The following RPS6KA2 variants were observed in gnomAD, a reference collection of about 807,000 sequenced individuals.
RPS6KA2 encodes ribosomal protein S6 kinase A2, also known as ribosomal protein S6 kinase alpha-2.
RPS6KA2 carries 42 observed loss-of-function variants against 91.8 expected under a neutral mutation model. The ratio of observed to expected loss-of-function variants is 0.46; its 90% CI spans 0.36 to 0.59. The LOEUF (loss-of-function observed/expected upper bound fraction) is 0.59. RPS6KA2 is among the 20% of genes least tolerant of loss of function. The pLI is 0.00. For synonymous variants in RPS6KA2, 414 were observed against 393.6 expected, an observed-to-expected ratio of 1.05 and a Z score of -0.61; for missense variants, 798 against 978.5, an observed-to-expected ratio of 0.82 and a Z score of 2.46.
chr6:166,656,049 G>A (rs560329300), intron 2 of RPS6KA2, among the ~76,000 whole-genome samples: 4 of 152,340 alleles, frequency 2.6e-5, no homozygotes, highest in Non-Finnish European at 5.9e-5. Context: ...GCCTGAGTGT[G>A]CACAGCACAC....
intron 2 of RPS6KA2, among the ~76,000 whole-genome samples, chr6:166,713,674 CT>C (rs1442326871): frequency 6.6e-6 from 1 of 152,336 alleles, no homozygotes; most frequent in Non-Finnish European, 1.5e-5. Flanking sequence ...AAAACCATTC[CT>C]GCCTAATGCA....
intron 2 of RPS6KA2, among the ~76,000 whole-genome samples, chr6:166,709,016 A>AGAGGTGTGAGCCAC (rs1419069837): frequency 9.2e-5 from 14 of 152,232 alleles, no homozygotes; most frequent in African/African-American, 3.4e-4. Context: ...GAAACAAGGA[A>AGAGGTGTGAGCCAC]GAGGTGTGAG....
At chr6:166,713,168 C>T (rs906848921) in intron 2 of RPS6KA2, among the ~76,000 whole-genome samples, 2 of 152,198 alleles carry the variant, frequency 1.3e-5, no homozygotes, top group East Asian at 1.9e-4. Flanking sequence ...CCCCATCCCC[C>T]GGAACACAAC....
chr6:166,640,877 A>G (rs1787409706), intron 2 of RPS6KA2, among the ~76,000 whole-genome samples: 1 of 151,300 alleles, frequency 6.6e-6, no homozygotes, highest in Non-Finnish European at 1.5e-5. Flanking sequence ...ACCTTGGAAG[A>G]ACCTCACTGT....
chr6:166,546,099 T>G (rs1028829944), intron 1 of RPS6KA2, among the ~76,000 whole-genome samples: 4 of 152,196 alleles, frequency 2.6e-5, no homozygotes, highest in African/African-American at 4.8e-5. Flanking sequence ...CCCCTTCCAC[T>G]TCATCTTGAA....
At chr6:166,473,113 T>C (rs1780833144) in intron 10 of RPS6KA2, among the ~76,000 whole-genome samples, 1 of 152,226 alleles carries the variant, frequency 6.6e-6, no homozygotes, top group Non-Finnish European at 1.5e-5. Flanking sequence ...CCAATTGCTG[T>C]TCTCTGGTTA....
chr6:166,591,059 T>C (rs1377244098), intron 1 of RPS6KA2, among the ~76,000 whole-genome samples: 1 of 152,208 alleles, frequency 6.6e-6, no homozygotes, highest in Non-Finnish European at 1.5e-5. Context: ...CTCTTCTACA[T>C]ATTAAATGCC....
chr6:166,647,879 GACAC>G (rs3071065), intron 2 of RPS6KA2, among the ~76,000 whole-genome samples: 9 of 66,042 alleles, frequency 1.4e-4, no homozygotes, highest in Non-Finnish European at 1.9e-4. Context: ...TGCACATGCT[GACAC>G]ACATACATAC....
At chr6:166,469,550 A>T (rs1780678150) in intron 11 of RPS6KA2, among the ~76,000 whole-genome samples, 1 of 152,146 alleles carries the variant, frequency 6.6e-6, no homozygotes, top group Non-Finnish European at 1.5e-5. Context: ...GAGTGGGTGC[A>T]GGGAGGACAG....
chr6:166,448,840 C>T lies in RPS6KA2; in HGVS notation c.1216G>A (p.Gly406Arg), dbSNP rs749209578. 1.1e-5 allele frequency: 17 copies of T among 1,613,646 alleles called. No individual in the cohort carries two copies. The highest frequency in any genetic ancestry group is 7.7e-5 in the South Asian group (7 of 91,060). The change falls in exon 14 of 21, where the codon GGG becomes AGG. Residue 406 changes from glycine to arginine, a missense_variant. Transcript: ENST00000265678. This position sits in a 1 kb window ranked among gnomAD's most constrained non-coding sequence, Gnocchi z 4.7. ...PVHPIVQQLH[G>R]NNIHFTDGYE... Reference sequence around the variant, plus strand: ...CCATCGGTGAAGTGGATGTTGTTCCCGTGTAACTGCTGCAGAGGGACCAAG... The same window carrying T: ...CCATCGGTGAAGTGGATGTTGTTCCTGTGTAACTGCTGCAGAGGGACCAAG...
rs531606020 is a variant in RPS6KA2 at position 166,767,554 on chromosome 6, G to A, written c.123+90646C>T. Among the ~76,000 whole-genome samples the A allele has an allele frequency of 1.3e-5, 2 of 152,250 alleles. No individual in the cohort carries two copies. The highest frequency in any genetic ancestry group is 4.1e-4 in the South Asian group (2 of 4,826). On this transcript the variant is annotated intron_variant, in intron 2 of 21. Transcript: ENST00000503859. This position sits in a 1 kb window ranked among gnomAD's most constrained non-coding sequence, Gnocchi z 4.6. Reference sequence around the variant, plus strand: ...GAGCCCTTCAGACTGCGCTCCACTTGCCAGCAAGCCTCAAAGGGACCCAGG... The same window carrying A: ...GAGCCCTTCAGACTGCGCTCCACTTACCAGCAAGCCTCAAAGGGACCCAGG...
At position 166,491,706 on chromosome 6, in the gene RPS6KA2, T is replaced by C. The variant is rs947641034; in HGVS notation, c.748-965A>G. ...AATTCATCCTCCAGCATTCGTCCTT[T>C]GCAGTTCGAAAATCTCAGGAGATAC... On this transcript the variant is annotated intron_variant, in intron 8 of 20. Coordinates refer to ENST00000265678, the MANE Select transcript of RPS6KA2 (RefSeq NM_021135.6). 3.3e-5 allele frequency among the ~76,000 whole-genome samples: 5 copies of C among 152,212 alleles called. No individual in the cohort carries two copies. In the East Asian group the frequency reaches 7.7e-4, roughly 23 times the overall value.
rs551582727 is a variant in RPS6KA2 at position 166,846,563 on chromosome 6, G to A, written c.123+11637C>T. 1.2e-4 allele frequency among the ~76,000 whole-genome samples: 19 copies of A among 152,250 alleles called. No homozygotes were observed. In the South Asian group the frequency reaches 3.7e-3, roughly 30 times the overall value. On this transcript the variant is annotated intron_variant, in intron 2 of 21. Transcript: ENST00000503859. ...TGCAGGGATGGTTTAACATCCACAA[G>A]TCAATAAATGTGATATAGCACATAA...
Position 166,538,741 on chromosome 6 carries a change from T to G in RPS6KA2, c.143A>C (p.Lys48Thr), listed in dbSNP as rs768623721. ...VKEIDISHHV[K>T]EGFEKADPSQ... is the part of the protein sequence containing the mutation. Reference sequence around the variant, plus strand: ...AGGATCTGCCTTCTCAAAGCCCTCCTTCACATGATGGCTGATGTCTATCTC... The same window carrying G: ...AGGATCTGCCTTCTCAAAGCCCTCCGTCACATGATGGCTGATGTCTATCTC... The change falls in exon 2 of 21, where the codon AAG becomes ACG. Residue 48 changes from lysine (K) to threonine (T), a missense_variant. Transcript: ENST00000265678. 1.9e-5 allele frequency: 30 copies of G among 1,611,692 alleles called. No individual in the cohort carries two copies. Among genetic ancestry groups the G allele is most frequent in the Non-Finnish European group, 2.5e-5 (29 of 1,177,832 alleles).
At position 166,586,355 on chromosome 6, in the gene RPS6KA2, C is replaced by G. The variant is rs1785173937; in HGVS notation, c.99+40566G>C. On this transcript the variant is annotated intron_variant, in intron 1 of 20. Coordinates refer to ENST00000265678, the MANE Select transcript of RPS6KA2 (RefSeq NM_021135.6). ...TCCCACCAGCTCTGCTATTCCATTC[C>G]TCAACAATTGGAGGAGACTCAGGAG... 5 of 1,599,442 alleles carry G rather than the reference C, an allele frequency of 3.1e-6. 2 individuals carry two copies. In the African/African-American group the frequency reaches 8.2e-5, roughly 26 times the overall value.
At chr6:166,736,727 C>T (rs1361549937) in intron 2 of RPS6KA2, among the ~76,000 whole-genome samples, 1 of 152,196 alleles carries the variant, frequency 6.6e-6, no homozygotes, top group Non-Finnish European at 1.5e-5. Flanking sequence ...GCCCTGAAAG[C>T]TCTATGGCCT....
rs1344243578 is a variant in RPS6KA2 at position 166,794,977 on chromosome 6, T to A, written c.123+63223A>T. Among the ~76,000 whole-genome samples, 4 of 151,908 alleles carry A rather than the reference T, an allele frequency of 2.6e-5. No individual in the cohort carries two copies. The East Asian group carries it at 7.7e-4, about 29-fold the overall frequency. On this transcript the variant is annotated intron_variant, in intron 2 of 21. Transcript: ENST00000503859. The stretch of plus-strand genomic sequence containing the variant: ...AACAAACCTGCACATTGTGCACATG[T>A]ACCCTAAAACTTAAAGTATAATAAC...
intron 2 of RPS6KA2, among the ~76,000 whole-genome samples, chr6:166,684,642 C>T (rs1298739895): frequency 1.3e-5 from 2 of 152,198 alleles, no homozygotes; most frequent in African/African-American, 4.8e-5. Flanking sequence ...AGCCTTCACC[C>T]TGCTCTCTGC....
rs1423972538 is a variant in RPS6KA2, at chr6:166,670,182, G to GT, written c.124-131399dup. Among the ~76,000 whole-genome samples, 7 of 152,374 alleles carry GT rather than the reference G, an allele frequency of 4.6e-5. No individual in the cohort carries two copies. In the South Asian group the frequency reaches 8.3e-4, roughly 18 times the overall value. Reference sequence around the variant, plus strand: ...TCAGGGTGCCCTTCCCTATGTAAAGGTAATAGGGAGTGGAAAATCACACTC... The same window carrying GT: ...TCAGGGTGCCCTTCCCTATGTAAAGGTTAATAGGGAGTGGAAAATCACACTC... On this transcript the variant is annotated intron_variant, in intron 2 of 21. Coordinates refer to the RPS6KA2 transcript ENST00000503859.
Sources: gnomAD v4.1 joint callset for allele counts (sites outside exome capture counted in the v4.1 genomes callset) on GRCh38, gnomAD v4.1.1 for gene constraint, Gnocchi (gnomAD v3.1) non-coding constraint, MANE v1.5 for transcripts, NCBI Gene and HGNC (gene_info 2026-07-23, HGNC 2026-07-21) for gene names.